Variants in CC2D2A observed in about 807,000 individuals in gnomAD.
CC2D2A encodes the protein coiled-coil and C2 domain-containing protein 2A.
A neutral mutation model predicts 212.9 loss-of-function variants in CC2D2A; 155 were observed. The observed-to-expected ratio is 0.73, with a 90% CI of 0.64 to 0.83. CC2D2A has a LOEUF of 0.83. Among genes scored for constraint, CC2D2A ranks in the 40% least tolerant of loss-of-function variants. The probability of loss-of-function intolerance (pLI) is 0.00; values close to 1 mark genes in which losing one functional copy is unlikely to be tolerated. For missense variants in CC2D2A, 1,856 were observed against 1,956.2 expected (o/e 0.95, Z 0.97); for synonymous variants, 667 against 686.5 (o/e 0.97, Z 0.44).
At chr4:15,542,075 G>C (rs1205683724) in intron 17 of CC2D2A, among the ~76,000 whole-genome samples, 1 of 151,882 alleles carries the variant, frequency 6.6e-6, no homozygotes, top group South Asian at 2.1e-4. Flanking sequence ...TCTCTCTGTG[G>C]GTCCTCTTTT....
chr4:15,594,908 C>T (rs976076960), intron 33 of CC2D2A, among the ~76,000 whole-genome samples: 2 of 151,938 alleles, frequency 1.3e-5, no homozygotes, highest in African/African-American at 4.8e-5. Context: ...TGAAGCAGTC[C>T]TCCCACCTCA....
At chr4:15,477,066 GC>G (rs1714266396) in intron 2 of CC2D2A, among the ~76,000 whole-genome samples, 1 of 152,192 alleles carries the variant, frequency 6.6e-6, no homozygotes, top group Non-Finnish European at 1.5e-5. Context: ...ACTTTGGGAG[GC>G]CGAGGCAGGT....
intron 31 of CC2D2A, among the ~76,000 whole-genome samples, chr4:15,587,269 TG>T: frequency 2.0e-5 from 3 of 152,288 alleles, no homozygotes; most frequent in Middle Eastern, 6.8e-3. Flanking sequence ...AGAGCTCACG[TG>T]GTAATGCTTG....
At chr4:15,490,101 A>G (rs1398805324) in intron 4 of CC2D2A, among the ~76,000 whole-genome samples, 1 of 152,258 alleles carries the variant, frequency 6.6e-6, no homozygotes, top group African/African-American at 2.4e-5. Flanking sequence ...CTCAACATCC[A>G]CTTTTGCACA....
rs779823379 is a variant in CC2D2A at position 15,580,046 on chromosome 4, C to A, written c.3850C>A (p.Arg1284Ser). 1 of 1,613,934 alleles carries A rather than the reference C, an allele frequency of 6.2e-7. No individual in the cohort carries two copies. The highest frequency in any genetic ancestry group is 1.1e-5 in the South Asian group (1 of 91,082). Reference sequence around the variant, plus strand: ...TGAATGTGCCTTAAAGTTTCCAAATCGTCAGTGCCTTACAACAGTAATTGA... The same window carrying A: ...TGAATGTGCCTTAAAGTTTCCAAATAGTCAGTGCCTTACAACAGTAATTGA... ...QAECALKFPN[R>S]QCLTTVIDIS... The change falls in exon 30 of 37, where the codon CGT becomes AGT. Residue 1284 changes from arginine to serine, a missense_variant. By Grantham distance (110) the Arg-to-Ser change is moderately radical. Transcript: ENST00000424120.
chr4:15,499,061 T>G (rs777142262), intron 4 of CC2D2A, among the ~76,000 whole-genome samples: 2 of 152,120 alleles, frequency 1.3e-5, no homozygotes, highest in Non-Finnish European at 2.9e-5. Context: ...GCACAGACTT[T>G]AAAAACAAAA....
At chr4:15,599,104 T>C (rs1721458231) in intron 35 of CC2D2A, among the ~76,000 whole-genome samples, 1 of 151,962 alleles carries the variant, frequency 6.6e-6, no homozygotes, top group Admixed American at 6.6e-5. Context: ...GAGGATGCAG[T>C]GAGCTGTGAT....
At chr4:15,532,555 C>A (rs1717902733) in intron 13 of CC2D2A, among the ~76,000 whole-genome samples, 1 of 152,164 alleles carries the variant, frequency 6.6e-6, no homozygotes, top group African/African-American at 2.4e-5. Context: ...CTTCTAAATC[C>A]CGTGGAATGA....
chr4:15,569,530 C>A, intron 27 of CC2D2A, 141 bp downstream of exon 27: 1 of 601,946 alleles, frequency 1.7e-6, no homozygotes, highest in East Asian at 2.8e-5. Context: ...GAATTCAGAG[C>A]GAGTCCACAG....
intron 24 of CC2D2A, among the ~76,000 whole-genome samples, chr4:15,566,808 T>A (rs563358566): frequency 6.0e-4 from 91 of 152,122 alleles, no homozygotes; most frequent in African/African-American, 2.1e-3. Context: ...CTCTGGTCCC[T>A]ACAAAAAATT....
chr4:15,543,294 C>A (rs560630235), intron 17 of CC2D2A, among the ~76,000 whole-genome samples: 1 of 151,924 alleles, frequency 6.6e-6, no homozygotes, highest in African/African-American at 2.4e-5. Context: ...TAAAGTGCCA[C>A]GTAATTTTTT....
At chr4:15,597,897 C>T (rs1483407433) in intron 35 of CC2D2A, among the ~76,000 whole-genome samples, 2 of 152,184 alleles carry the variant, frequency 1.3e-5, no homozygotes, top group South Asian at 2.1e-4. Context: ...AACTTATTCT[C>T]CTGGTTTCAC....
chr4:15,503,810 C>T (rs1294972646), intron 6 of CC2D2A, among the ~76,000 whole-genome samples: 1 of 152,030 alleles, frequency 6.6e-6, no homozygotes, highest in Non-Finnish European at 1.5e-5. Context: ...AGGGCCCAGA[C>T]CTGGAAAAAC....
At chr4:15,481,102 C>T in intron 4 of CC2D2A, 3 of 470,278 alleles carry the variant, frequency 6.4e-6, no homozygotes, top group South Asian at 4.8e-5. Flanking sequence ...GAGGTGGAGC[C>T]TAGTGGGAGG....
At chr4:15,481,119 G>T (rs893977829) in intron 4 of CC2D2A, 2 of 470,284 alleles carry the variant, frequency 4.3e-6, no homozygotes, top group Non-Finnish European at 8.5e-6. Flanking sequence ...GAGGTGTCTG[G>T]GTCATGAGGG....
At chr4:15,553,107 G>C in intron 18 of CC2D2A, 51 bp from the exon 19 acceptor site, 1 of 1,526,506 alleles carries the variant, frequency 6.6e-7, no homozygotes, top group Non-Finnish European at 8.8e-7. Context: ...CCAGGACTAG[G>C]CTCAGTCCCT....
intron 4 of CC2D2A, among the ~76,000 whole-genome samples, chr4:15,492,513 GT>G (rs796879647): frequency 0.061 from 8,871 of 146,336 alleles, 726 homozygotes; most frequent in African/African-American, 0.19. Flanking sequence ...TGTTTGTTTG[GT>G]TTTTTTTTTT....
At chr4:15,531,662 G>C (rs1717854981) in intron 13 of CC2D2A, among the ~76,000 whole-genome samples, 1 of 151,696 alleles carries the variant, frequency 6.6e-6, no homozygotes, top group Non-Finnish European at 1.5e-5. Context: ...CCCCAGCTCT[G>C]GTCACAAATT....
rs373111926 is a variant in CC2D2A, at chr4:15,555,104, T to C, written c.2519T>C (p.Ile840Thr). ...ALKKADAISS[I>T]GTSGLTDMKK... The stretch of plus-strand genomic sequence containing the variant: ...AAGAAAGCAGATGCCATCTCATCTA[T>C]TGGCACATCAGGACTGACAGACATG... The change falls in exon 20 of 37, where the codon ATT becomes ACT. Residue 840 changes from isoleucine to threonine, a missense_variant. Ile to Thr is a moderately conservative substitution (Grantham distance 89). This residue lies in a region of CC2D2A where 1,512 missense variants were observed against 1,579.3 expected (regional missense o/e 0.96). Coordinates refer to ENST00000424120, the MANE Select transcript of CC2D2A (RefSeq NM_001378615.1). The C allele has an allele frequency of 3.2e-5, 51 of 1,613,420 alleles. No homozygotes were observed. The highest frequency in any genetic ancestry group is 2.0e-4 in the African/African-American group (15 of 74,894).
Sources: gnomAD v4.1 joint callset for allele counts (sites outside exome capture counted in the v4.1 genomes callset) on GRCh38, gnomAD v4.1.1 for gene constraint, gnomAD v4.1.1 regional missense constraint, MANE v1.5 for transcripts, NCBI Gene and HGNC (gene_info 2026-07-23, HGNC 2026-07-21) for gene names.